Variants in DNAH10 observed in about 807,000 individuals in gnomAD.
DNAH10 encodes the protein dynein axonemal heavy chain 10.
Under a neutral mutation model 506.6 loss-of-function variants are expected in DNAH10, and 348 were observed. That is an observed-to-expected ratio of 0.69 (90% CI 0.63 to 0.75). The LOEUF (loss-of-function observed/expected upper bound fraction) is 0.75. Ranked by LOEUF, DNAH10 falls within the 30% of genes least tolerant of loss-of-function variation. The pLI, the probability that DNAH10 is intolerant of heterozygous loss-of-function variation, is 0.00. For synonymous variants in DNAH10, 2,059 were observed against 2,198.6 expected (o/e 0.94, Z 1.78); for missense variants, 5,179 against 5,787.1 (o/e 0.89, Z 3.41).
At chr12:123,912,510 C>T (rs1055080965) in intron 59 of DNAH10, among the ~76,000 whole-genome samples, 1 of 146,504 alleles carries the variant, frequency 6.8e-6, no homozygotes, top group Non-Finnish European at 1.5e-5. Flanking sequence ...CTGTCCTGGG[C>T]ACTATAGGAT....
chr12:123,898,854 C>A (rs1446528740), intron 56 of DNAH10, 40 bp downstream of exon 56: 2 of 1,554,142 alleles, frequency 1.3e-6, no homozygotes, highest in Non-Finnish European at 1.7e-6. Context: ...TCCCCAACAC[C>A]CAATACCCAC....
At chr12:123,831,747 AGCCGGGTGTGGT>A (rs58743488) in intron 26 of DNAH10, among the ~76,000 whole-genome samples, 56,912 of 149,466 alleles carry the variant, frequency 0.38, 11,408 homozygotes, top group Non-Finnish European at 0.43. Flanking sequence ...AAAAAAAATT[AGCCGGGTGTGGT>A]GCCGGGTGTG....
rs1951882126 is a variant in DNAH10 at position 123,868,048 on chromosome 12, A to G, written c.7448A>G (p.Tyr2483Cys). ...GATGGAAGGATGAAATTTGACGAAT[A>G]TATCAAACGCCTTGCTTCTTTGTCT... ...LEDGRMKFDE[Y>C]IKRLASLSTV... Residue 2483 changes from tyrosine (Y) to cysteine (C), a missense_variant, in exon 43 of 79, where the codon TAT becomes TGT. By Grantham distance (194) the Tyr-to-Cys change is radical. Around this residue, in one of 3 missense-constraint regions of DNAH10, gnomAD observed 4,844 missense variants for 5,430.5 expected, o/e 0.89. Coordinates refer to ENST00000673944, the MANE Select transcript of DNAH10 (RefSeq NM_001372106.1). 3.1e-6 allele frequency: 5 copies of G among 1,613,840 alleles called. No individual in the cohort carries two copies. Among genetic ancestry groups the G allele is most frequent in the African/African-American group, 1.3e-5 (1 of 74,888 alleles).
Position 123,926,285 on chromosome 12 carries a change from A to G in DNAH10, c.11922-352A>G. On this transcript the variant is annotated intron_variant, in intron 68 of 78. Coordinates refer to ENST00000673944, the MANE Select transcript of DNAH10 (RefSeq NM_001372106.1). This position sits in a 1 kb window ranked among gnomAD's most constrained non-coding sequence, Gnocchi z 4.1. Reference sequence around the variant, plus strand: ...AAGAAAAAACCCACACACAAAACACAAAACTCAAAACTCAAGATGTGGACC... The same window carrying G: ...AAGAAAAAACCCACACACAAAACACGAAACTCAAAACTCAAGATGTGGACC... The G allele has an allele frequency of 3.9e-6, 1 of 258,410 alleles. No homozygotes were observed. 16.0% of individuals were successfully genotyped at this position (258,410 alleles called of 1,614,324 possible).
rs955072197 is a variant in DNAH10 at position 123,918,757 on chromosome 12, A to AG, written c.11320dup (p.Ala3774GlyfsTer9). 1 of 1,609,250 alleles carries AG rather than the reference A, an allele frequency of 6.2e-7. No homozygotes were observed. Among genetic ancestry groups the AG allele is most frequent in the Non-Finnish European group, 8.5e-7 (1 of 1,176,370 alleles). ...GGATGGCTACCGGCCAGCAGCCAGG[A>AG]GGGGGGCCATCCTGTTCTTCGTCCT... On this transcript the variant is annotated frameshift_variant, in exon 65 of 79. Transcript: ENST00000673944. LOFTEE classifies it high-confidence loss of function.
chr12:123,920,848 CA>C (rs1566106299), intron 65 of DNAH10, among the ~76,000 whole-genome samples: 1 of 152,194 alleles, frequency 6.6e-6, no homozygotes, highest in Non-Finnish European at 1.5e-5. Flanking sequence ...CAGCTTACTG[CA>C]ACCTCCACCT....
chr12:123,912,979 G>A, intron 59 of DNAH10, 119 bp from the exon 60 acceptor site: 3 of 926,392 alleles, frequency 3.2e-6, no homozygotes, highest in East Asian at 5.3e-5. Context: ...GCATATAGAG[G>A]CTCTGAAAAG....
intron 3 of DNAH10, 57 bp downstream of exon 3, chr12:123,771,755 A>G: frequency 7.1e-7 from 1 of 1,411,206 alleles, no homozygotes; most frequent in Middle Eastern, 1.8e-4. Flanking sequence ...GATGCCCTCT[A>G]GGATTCAGGG....
intron 42 of DNAH10, 129 bp downstream of exon 42, chr12:123,867,730 G>C (rs758660683): frequency 2.9e-5 from 41 of 1,428,740 alleles, no homozygotes; most frequent in Non-Finnish European, 3.7e-5. Flanking sequence ...GCCAAGGCGG[G>C]CGCCGTGCTT....
chr12:123,898,813 A>C lies in DNAH10; in HGVS notation c.9639A>C (p.Val3213=). 1 of 1,604,898 alleles carries C rather than the reference A, an allele frequency of 6.2e-7. No homozygotes were observed. Among genetic ancestry groups the C allele is most frequent in the South Asian group, 1.1e-5 (1 of 89,708 alleles). Residue 3213 remains valine, a splice_region_variant and synonymous_variant, in exon 56 of 79, where the codon GTA becomes GTC. Transcript: ENST00000673944. ...AGGAGATCGCCGTCAACACCGCTGTAGGTGAGTGAGGGCGGGGCCAGGGCA... is the reference window on the plus strand; with the variant it reads ...AGGAGATCGCCGTCAACACCGCTGTCGGTGAGTGAGGGCGGGGCCAGGGCA... ...LLEEIAVNTA[V]AEEKKKLAEE... is the part of the protein sequence containing the mutation.
chr12:123,867,830 A>C, intron 42 of DNAH10, 73 bp from the exon 43 acceptor site: 1 of 1,494,658 alleles, frequency 6.7e-7, no homozygotes, highest in Non-Finnish European at 9.1e-7. Flanking sequence ...CTGGGATCCC[A>C]GGATTTATGA....
At chr12:123,887,071 C>T (rs1030616208) in intron 51 of DNAH10, 71 bp from the exon 52 acceptor site, 1 of 1,497,246 alleles carries the variant, frequency 6.7e-7, no homozygotes, top group Non-Finnish European at 8.9e-7. Flanking sequence ...CTCCAGCGTC[C>T]CCACCCCGGA....
At position 123,913,266 on chromosome 12, in the gene DNAH10, C is replaced by T. The variant is rs1414504077; in HGVS notation, c.10303C>T (p.Leu3435=). The T allele has an allele frequency of 6.2e-7, 1 of 1,607,086 alleles. No individual in the cohort carries two copies. The highest frequency in any genetic ancestry group is 8.5e-7 in the Non-Finnish European group (1 of 1,177,210). Residue 3435 remains leucine, a synonymous_variant, in exon 60 of 79, where the codon CTG becomes TTG. Transcript: ENST00000673944. This position sits in a 1 kb window ranked among gnomAD's most constrained non-coding sequence, Gnocchi z 5.1. The part of the protein sequence containing the change: ...QEEAEIMERR[L]IAADKLISGL... ...AGAAGCCGAGATCATGGAGAGGCGG[C>T]TGATTGCCGCAGACAAACTCATCTC...
At position 123,919,161 on chromosome 12, in the gene DNAH10, C is replaced by A; in HGVS notation, c.11506+212C>A. ...TGCGATCACGGCTCACTGCAACCTC[C>A]ACCTCCCAGGCTCAGGTGATCCTCC... On this transcript the variant is annotated intron_variant, in intron 65 of 78. Coordinates refer to ENST00000673944, the MANE Select transcript of DNAH10 (RefSeq NM_001372106.1). The surrounding 1 kb of genome is among the most constrained non-coding windows in gnomAD (Gnocchi z 4.9). 1.8e-6 allele frequency: 1 copy of A among 555,218 alleles called. No homozygotes were observed. Among genetic ancestry groups the A allele is most frequent in the Non-Finnish European group, 3.0e-6 (1 of 338,188 alleles). The allele number at this position is 555,218 out of a possible 1,614,324, so 34.4% of individuals were successfully genotyped here.
intron 30 of DNAH10, 29 bp downstream of exon 30, chr12:123,841,574 C>T (rs775687168): frequency 1.3e-6 from 2 of 1,587,878 alleles, no homozygotes; most frequent in Non-Finnish European, 1.7e-6. Flanking sequence ...ACATGCATTG[C>T]TCTATCCAAT....
chr12:123,881,220 C>T lies in DNAH10; in HGVS notation c.8635-405C>T, dbSNP rs191487964. 1.1e-4 allele frequency among the ~76,000 whole-genome samples: 16 copies of T among 152,280 alleles called. No individual in the cohort carries two copies. In the East Asian group the frequency reaches 2.1e-3, roughly 20 times the overall value. On this transcript the variant is annotated intron_variant, in intron 50 of 78. Coordinates refer to ENST00000673944, the MANE Select transcript of DNAH10 (RefSeq NM_001372106.1). ...TTCTAGTTCTAGATCCTTGAGGAAT[C>T]GCCACACTGACTTCCACAATGGTTG...
intron 55 of DNAH10, 21 bp from the exon 56 acceptor site, chr12:123,898,632 A>G (rs757180958): frequency 5.3e-6 from 8 of 1,502,112 alleles, no homozygotes; most frequent in East Asian, 2.5e-5. Context: ...GACGATGAAC[A>G]TAGGTGCCCT....
intron 24 of DNAH10, among the ~76,000 whole-genome samples, chr12:123,825,914 A>G (rs1344089613): frequency 6.6e-6 from 1 of 152,074 alleles, no homozygotes; most frequent in Non-Finnish European, 1.5e-5. Context: ...TGAGCCCAGG[A>G]GTTTGAGGCC....
At position 123,881,643 on chromosome 12, in the gene DNAH10, A is replaced by G; in HGVS notation, c.8653A>G (p.Asn2885Asp). The G allele has an allele frequency of 6.5e-7, 1 of 1,538,412 alleles. No homozygotes were observed. The change falls in exon 51 of 79, where the codon AAT becomes GAT. Residue 2885 changes from asparagine to aspartate, a missense_variant. By Grantham distance (23) the Asn-to-Asp change is conservative (BLOSUM62 1). Around this residue, in one of 3 missense-constraint regions of DNAH10, gnomAD observed 4,844 missense variants for 5,430.5 expected, o/e 0.89. Transcript: ENST00000673944. ...AATGCAGGAAATTCTTGAAGAGTAT[A>G]ATGAAAGCAACACCAAAATGAACTT... ...ALFQEILEEY[N>D]ESNTKMNLVL...
Sources: allele counts gnomAD v4.1 joint callset (sites outside exome capture counted in the v4.1 genomes callset), GRCh38; gene constraint gnomAD v4.1.1; regional missense constraint gnomAD v4.1.1; non-coding constraint Gnocchi (gnomAD v3.1); transcripts MANE v1.5; gene names NCBI Gene and HGNC (gene_info 2026-07-23, HGNC 2026-07-21).